Variants in PYGL observed in about 807,000 individuals in gnomAD.
PYGL encodes glycogen phosphorylase, liver form.
PYGL carries 90 observed loss-of-function variants against 100.1 expected under a neutral mutation model. That is an observed-to-expected ratio of 0.90 (90% CI 0.76 to 1.07). The LOEUF (loss-of-function observed/expected upper bound fraction) is 1.07. PYGL is among the 50% of genes least tolerant of loss of function. PYGL has a pLI of 0.00. For missense variants in PYGL, 1,016 were observed against 1,057.6 expected, an observed-to-expected ratio of 0.96 and a Z score of 0.55; for synonymous variants, 373 against 393.0, an observed-to-expected ratio of 0.95 and a Z score of 0.60.
chr14:50,931,317 A>C (rs1310902830), intron 4 of PYGL, among the ~76,000 whole-genome samples: 1 of 152,212 alleles, frequency 6.6e-6, no homozygotes, highest in Non-Finnish European at 1.5e-5. Context: ...TTCTTGGCTG[A>C]GATCATGAGT....
chr14:50,922,269 T>C (rs2050509267), intron 5 of PYGL, among the ~76,000 whole-genome samples: 1 of 152,178 alleles, frequency 6.6e-6, no homozygotes, highest in African/African-American at 2.4e-5. Flanking sequence ...CATGGCAGGA[T>C]TGAAACTTAA....
rs769828170 is a variant in PYGL, at chr14:50,912,194, T to C, written c.1730A>G (p.Gln577Arg). Residue 577 changes from glutamine (Q) to arginine (R), a missense_variant, in exon 14 of 20, where the codon CAG becomes CGG. Gln to Arg is a conservative substitution (Grantham distance 43). Coordinates refer to ENST00000216392, the MANE Select transcript of PYGL (RefSeq NM_002863.5). ...GATCACATGCAGACAGTTCAAGAGC[T>C]GTCGCTTGTACTCATGTATCCTCTT... is the stretch of plus-strand genomic sequence containing the variant. The part of the protein sequence containing the change: ...QVKRIHEYKR[Q>R]LLNCLHVITM... 1.2e-6 allele frequency: 2 copies of C among 1,614,202 alleles called. No homozygotes were observed. The highest frequency in any genetic ancestry group is 2.2e-5 in the South Asian group (2 of 91,090).
At chr14:50,931,102 A>T (rs1460570116) in intron 4 of PYGL, among the ~76,000 whole-genome samples, 1 of 152,228 alleles carries the variant, frequency 6.6e-6, no homozygotes, top group Non-Finnish European at 1.5e-5. Flanking sequence ...TTATAAAAAA[A>T]TCAGGACACT....
In PYGL at chr14:50,915,857, T is replaced by C; in HGVS notation, c.1207A>G (p.Ile403Val). ...TGCTTCTGATTTATCTCATAAATGA[T>C]TTCCAAATGTCGAGGGAGCAGCTTC... ...VEKLLPRHLE[I>V]IYEINQKHLD... The change falls in exon 10 of 20, where the codon ATC becomes GTC. Residue 403 changes from isoleucine (I) to valine (V), a missense_variant. Transcript: ENST00000216392. The C allele has an allele frequency of 7.4e-6, 12 of 1,614,218 alleles. No individual in the cohort carries two copies. The highest frequency in any genetic ancestry group is 1.0e-5 in the Non-Finnish European group (12 of 1,180,020).
chr14:50,942,787 C>G (rs1002839802), intron 1 of PYGL, among the ~76,000 whole-genome samples: 1 of 95,314 alleles, frequency 1.0e-5, no homozygotes, highest in African/African-American at 2.9e-5. Context: ...CGCCGCTGCA[C>G]TTCATTCAGC....
chr14:50,912,383 G>A (rs968391477), intron 13 of PYGL, 80 bp from the exon 14 acceptor site: 62 of 1,520,890 alleles, frequency 4.1e-5, no homozygotes, highest in African/African-American at 2.6e-4. Context: ...TTTTGAGACG[G>A]AGTCTCACTC....
In PYGL at chr14:50,944,076, G is replaced by T. The variant is rs372071547; in HGVS notation, c.243+85C>A. 2.0e-5 allele frequency: 29 copies of T among 1,475,772 alleles called. 1 individual carries two copies. The East Asian group carries it at 5.7e-4, about 29-fold the overall frequency. The allele number at this position is 1,475,772 out of a possible 1,614,324, so 91.4% of individuals were successfully genotyped here. On this transcript the variant is annotated intron_variant, in intron 1 of 19. Transcript: ENST00000216392. ...ACCGGGTGCAAGGGACCACTCTGAGGGGTTCTCCACCTCGTCCCGCCCGGC... is the reference window on the plus strand; with the variant it reads ...ACCGGGTGCAAGGGACCACTCTGAGTGGTTCTCCACCTCGTCCCGCCCGGC...
At chr14:50,920,406 A>G (rs1403711820) in intron 7 of PYGL, 135 bp downstream of exon 7, 3 of 881,952 alleles carry the variant, frequency 3.4e-6, no homozygotes, top group Admixed American at 2.0e-5. Flanking sequence ...AATCTACACA[A>G]TTCAGGAAGA....
rs534754125 is a variant in PYGL at position 50,913,564 on chromosome 14, C to T, written c.1519-434G>A. ...TTTTTTTTTGTATTTTTAGTAGAGA[C>T]GGGGTTTCACTGTGTTAGCCAGAAT... On this transcript the variant is annotated intron_variant, in intron 12 of 19. Coordinates refer to ENST00000216392, the MANE Select transcript of PYGL (RefSeq NM_002863.5). Among the ~76,000 whole-genome samples, 29 of 151,888 alleles carry T rather than the reference C, an allele frequency of 1.9e-4. 1 individual carries two copies. Among genetic ancestry groups the T allele is most frequent in the East Asian group, 5.8e-4 (3 of 5,162 alleles).
chr14:50,920,135 G>A (rs1440122237), intron 7 of PYGL, among the ~76,000 whole-genome samples: 3 of 152,176 alleles, frequency 2.0e-5, no homozygotes, highest in Non-Finnish European at 4.4e-5. Flanking sequence ...TCAGGGCAGA[G>A]GACCAGAAAG....
At chr14:50,913,290 A>G (rs1282354848) in intron 12 of PYGL, 160 bp from the exon 13 acceptor site, 9 of 620,914 alleles carry the variant, frequency 1.4e-5, no homozygotes, top group African/African-American at 1.1e-4. Context: ...TATAAAGTCT[A>G]TGTGAGAAGA....
chr14:50,924,191 TTAACTG>T, intron 4 of PYGL, 91 bp from the exon 5 acceptor site: 1 of 1,446,544 alleles, frequency 6.9e-7, no homozygotes, highest in Non-Finnish European at 9.5e-7. Context: ...TAAAACATCT[TTAACTG>T]AAACAACTTA....
At chr14:50,926,717 C>T (rs1170766777) in intron 4 of PYGL, among the ~76,000 whole-genome samples, 1 of 90,218 alleles carries the variant, frequency 1.1e-5, no homozygotes, top group Non-Finnish European at 1.9e-5. Flanking sequence ...CAGAGTGAGA[C>T]TCTGTCTCAA....
intron 1 of PYGL, among the ~76,000 whole-genome samples, chr14:50,943,800 G>A (rs17123242): frequency 0.047 from 7,106 of 152,328 alleles, 196 homozygotes; most frequent in East Asian, 0.088. Flanking sequence ...CAGGACAAGA[G>A]GCCCCCGTCA....
At chr14:50,922,386 A>G (rs1395430865) in intron 5 of PYGL, among the ~76,000 whole-genome samples, 6 of 152,236 alleles carry the variant, frequency 3.9e-5, no homozygotes, top group Admixed American at 3.3e-4. Flanking sequence ...CGCGACCTCA[A>G]AGTAATAAAT....
chr14:50,944,099 G>A, intron 1 of PYGL, 62 bp downstream of exon 1: 3 of 1,536,368 alleles, frequency 2.0e-6, no homozygotes, highest in African/African-American at 1.4e-5. Context: ...CGTCCCGCCC[G>A]GCCGCGGCCG....
intron 6 of PYGL, 137 bp from the exon 7 acceptor site, chr14:50,920,760 C>A: frequency 9.3e-7 from 1 of 1,080,310 alleles, no homozygotes; most frequent in Non-Finnish European, 1.4e-6. Context: ...TTCAACACAC[C>A]GTCATGCTGG....
intron 7 of PYGL, among the ~76,000 whole-genome samples, chr14:50,919,093 A>G (rs11852047): frequency 0.21 from 31,556 of 152,140 alleles, 4,495 homozygotes; most frequent in African/African-American, 0.41. Flanking sequence ...TTACCCAACA[A>G]ATCTAGTCAA....
Position 50,915,465 on chromosome 14 carries a change from C to T in PYGL, c.1274G>A (p.Arg425His), listed in dbSNP as rs2228499. The T allele has an allele frequency of 2.3e-4, 374 of 1,614,072 alleles. No individual in the cohort carries two copies. The highest frequency in any genetic ancestry group is 2.8e-4 in the Non-Finnish European group (332 of 1,180,052). The change falls in exon 11 of 20, where the codon CGT becomes CAT. Residue 425 changes from arginine to histidine, a missense_variant. Physicochemically the swap from Arg to His is conservative, Grantham distance 29 (BLOSUM62 0). Transcript: ENST00000216392. ...TTCTATCAGAGACATCCTTCTCAGA[C>T]GGTCCACATCTTTAGGAAACAAGGC... is the stretch of plus-strand genomic sequence containing the variant. ...IVALFPKDVD[R>H]LRRMSLIEEE...
Sources: allele counts gnomAD v4.1 joint callset (sites outside exome capture counted in the v4.1 genomes callset), GRCh38; gene constraint gnomAD v4.1.1; transcripts MANE v1.5; gene names NCBI Gene and HGNC (gene_info 2026-07-23, HGNC 2026-07-21).